The following BMPR2 variants were observed in gnomAD, a reference collection of about 807,000 sequenced individuals.
BMPR2 encodes bone morphogenetic protein receptor type-2.
BMPR2 carries 29 observed loss-of-function variants against 100.8 expected under a neutral mutation model. The ratio of observed to expected loss-of-function variants is 0.29; its 90% confidence interval spans 0.21 to 0.39. The LOEUF (loss-of-function observed/expected upper bound fraction) is 0.39. Among genes scored for constraint, BMPR2 ranks in the 10% least tolerant of loss-of-function variants. The pLI is 1.00. For missense variants in BMPR2, 1,011 were observed against 1,274.5 expected, an observed-to-expected ratio of 0.79 and a Z score of 3.15; for synonymous variants, 382 against 442.3, an observed-to-expected ratio of 0.86 and a Z score of 1.71.
In BMPR2 at chr2:202,485,458, CGGTTT is replaced by C. The variant is rs1692753720; in HGVS notation, c.418+17771_418+17775del. ...GTTTCAGTAAATCATTGGTGTTCCT[CGGTTT>C]GTAGCTGCGTAATTCTAATCTCTGC... On this transcript the variant is annotated intron_variant, in intron 3 of 12. Coordinates refer to ENST00000374580, the MANE Select transcript of BMPR2 (RefSeq NM_001204.7). Among the ~76,000 whole-genome samples, 4 of 150,796 alleles carry C rather than the reference CGGTTT, an allele frequency of 2.7e-5. 1 individual carries two copies. Among genetic ancestry groups the C allele is most frequent in the Admixed American group, 2.6e-4 (4 of 15,110 alleles).
At chr2:202,546,468 G>A (rs1054613552) in intron 10 of BMPR2, among the ~76,000 whole-genome samples, 5 of 152,240 alleles carry the variant, frequency 3.3e-5, no homozygotes, top group African/African-American at 1.2e-4. Flanking sequence ...TAGTCTAAAG[G>A]AAATACATGA....
chr2:202,547,921 T>C (rs1454743661), intron 10 of BMPR2, among the ~76,000 whole-genome samples: 1 of 151,506 alleles, frequency 6.6e-6, no homozygotes, highest in Non-Finnish European at 1.5e-5. Flanking sequence ...CTGTCTCTAC[T>C]AAAAATACAA....
intron 5 of BMPR2, among the ~76,000 whole-genome samples, chr2:202,516,994 G>A (rs903654452): frequency 1.3e-5 from 2 of 152,078 alleles, no homozygotes; most frequent in African/African-American, 2.4e-5. Context: ...ACATTTTGCT[G>A]GTTCTTTGGG....
At chr2:202,409,909 T>A (rs1159212878) in intron 1 of BMPR2, among the ~76,000 whole-genome samples, 1 of 152,178 alleles carries the variant, frequency 6.6e-6, no homozygotes, top group African/African-American at 2.4e-5. Flanking sequence ...GGTTCCTAAC[T>A]CTCTCCACTG....
chr2:202,434,515 C>T lies in BMPR2; in HGVS notation c.77-30294C>T, dbSNP rs141167490. ...GTCCTTCTCCACCATGACAATGCTC[C>T]TGCTCATTCCTGTCATCAAACAAGG... On this transcript the variant is annotated intron_variant, in intron 1 of 12. Transcript: ENST00000374580. 2.2e-3 allele frequency among the ~76,000 whole-genome samples: 328 copies of T among 150,568 alleles called. 33 individuals are homozygous for T. The highest frequency in any genetic ancestry group is 7.5e-3 in the African/African-American group (299 of 39,952).
Position 202,552,804 on chromosome 2 carries a change from T to C in BMPR2, c.1502T>C (p.Met501Thr), listed in dbSNP as rs1278947987. 1.2e-6 allele frequency: 2 copies of C among 1,614,176 alleles called. No homozygotes were observed. Among genetic ancestry groups the C allele is most frequent in the Non-Finnish European group, 8.5e-7 (1 of 1,180,034 alleles). ...RLTAQCAEER[M>T]AELMMIWERN... Reference sequence around the variant, plus strand: ...ACTGCACAGTGTGCTGAGGAAAGGATGGCTGAACTTATGATGATTTGGGAA... The same window carrying C: ...ACTGCACAGTGTGCTGAGGAAAGGACGGCTGAACTTATGATGATTTGGGAA... The change falls in exon 11 of 13, where the codon ATG (methionine) becomes ACG (threonine). Residue 501 changes from methionine (M) to threonine (T), a missense_variant. By Grantham distance (81) the Met-to-Thr change is moderately conservative (BLOSUM62 -1). Transcript: ENST00000374580.
chr2:202,556,768 G>T (rs781713023), intron 12 of BMPR2, among the ~76,000 whole-genome samples: 2 of 151,918 alleles, frequency 1.3e-5, no homozygotes, highest in Admixed American at 6.6e-5. Flanking sequence ...CCAACATGGC[G>T]AAACCCCATC....
chr2:202,468,403 AG>A (rs1374141076), intron 3 of BMPR2, among the ~76,000 whole-genome samples: 1 of 152,158 alleles, frequency 6.6e-6, no homozygotes, highest in Admixed American at 6.5e-5. Context: ...GCTTGAGCCT[AG>A]GAAGTTGAAG....
At position 202,442,425 on chromosome 2, in the gene BMPR2, CCTTT is replaced by C. The variant is rs970322320; in HGVS notation, c.77-22379_77-22376del. Among the ~76,000 whole-genome samples, 73 of 150,336 alleles carry C rather than the reference CCTTT, an allele frequency of 4.9e-4. 5 individuals carry two copies. Among genetic ancestry groups the C allele is most frequent in the Middle Eastern group, 3.4e-3 (1 of 294 alleles). On this transcript the variant is annotated intron_variant, in intron 1 of 12. Transcript: ENST00000374580. ...CATGTTTTAGCGTATATCGGTACTT[CCTTT>C]CTTTTTTTTTAAACTATGGCAAATC... is the stretch of plus-strand genomic sequence containing the variant.
chr2:202,528,408 C>T (rs558732247), intron 7 of BMPR2, among the ~76,000 whole-genome samples: 3 of 152,128 alleles, frequency 2.0e-5, no homozygotes, highest in South Asian at 4.2e-4. Context: ...AGGATGGTCT[C>T]GATCTCCTGA....
At position 202,563,074 on chromosome 2, in the gene BMPR2, T is replaced by C. The variant is rs1260600785; in HGVS notation, c.*3128T>C. The C allele has an allele frequency of 6.6e-6, 1 of 152,138 alleles. No homozygotes were observed. Among genetic ancestry groups the C allele is most frequent in the Non-Finnish European group, 1.5e-5 (1 of 68,034 alleles). The allele number at this position is 152,138 out of a possible 1,614,324, so 9.4% of individuals were successfully genotyped here. A position where few individuals can be genotyped will look rare whatever the true frequency, so the allele number is the denominator to read the frequency against. On this transcript the variant is annotated 3_prime_UTR_variant, in exon 13 of 13. Transcript: ENST00000374580. ...CAGTCTATGTCTGCCTCTCTCCACA[T>C]CTCTTTCATCCATACCACACTGCCT...
chr2:202,541,954 T>C (rs1688283718), intron 9 of BMPR2, among the ~76,000 whole-genome samples: 1 of 151,744 alleles, frequency 6.6e-6, no homozygotes, highest in South Asian at 2.1e-4. Context: ...TCTACTAAAA[T>C]ATGAAAATTA....
Position 202,559,821 on chromosome 2 carries a change from T to C in BMPR2, c.2992T>C (p.Cys998Arg). 1 of 1,614,156 alleles carries C rather than the reference T, an allele frequency of 6.2e-7. No homozygotes were observed. The highest frequency in any genetic ancestry group is 8.5e-7 in the Non-Finnish European group (1 of 1,180,028). Residue 998 changes from cysteine to arginine, a missense_variant, in exon 13 of 13, where the codon TGT becomes CGT. Around this residue, in one of 6 missense-constraint regions of BMPR2, gnomAD observed 58 missense variants for 72.3 expected, o/e 0.80. Transcript: ENST00000374580. ...TWVISTESLD[C>R]EVNNNGSNRA... ...GGTCATCTCCACTGAATCGCTGGAC[T>C]GTGAAGTCAACAATAATGGCAGTAA...
intron 3 of BMPR2, among the ~76,000 whole-genome samples, chr2:202,491,247 G>C (rs1692894546): frequency 6.6e-6 from 1 of 151,918 alleles, no homozygotes; most frequent in Non-Finnish European, 1.5e-5. Context: ...TGTAGAGATG[G>C]GGTCTTGGCA....
chr2:202,406,675 C>T lies in BMPR2; in HGVS notation c.76+29125C>T, dbSNP rs779384185. ...AATTGAGCATCAATGAATAAATAAA[C>T]CTCTGCCAGAGATTGGCAGGCTTTT... On this transcript the variant is annotated intron_variant, in intron 1 of 12. Transcript: ENST00000374580. 5.9e-5 allele frequency among the ~76,000 whole-genome samples: 9 copies of T among 152,176 alleles called. 1 individual carries two copies. The highest frequency in any genetic ancestry group is 1.2e-4 in the Non-Finnish European group (8 of 68,050).
intron 1 of BMPR2, among the ~76,000 whole-genome samples, chr2:202,438,385 A>T (rs1449805089): frequency 1.3e-5 from 2 of 150,544 alleles, no homozygotes; most frequent in Non-Finnish European, 2.9e-5. Flanking sequence ...TAGTTATATG[A>T]CTTGTAAATT....
intron 1 of BMPR2, among the ~76,000 whole-genome samples, chr2:202,407,955 T>TC (rs1232530759): frequency 5.3e-5 from 8 of 151,196 alleles, no homozygotes; most frequent in Non-Finnish European, 1.0e-4. Flanking sequence ...TGCCTCAGCC[T>TC]CCCGAGTAGC....
At chr2:202,551,552 T>C (rs1367292572) in intron 10 of BMPR2, among the ~76,000 whole-genome samples, 1 of 151,942 alleles carries the variant, frequency 6.6e-6, no homozygotes, top group African/African-American at 2.4e-5. Flanking sequence ...AAAAACTAGC[T>C]TTCCCCCAAA....
intron 9 of BMPR2, among the ~76,000 whole-genome samples, chr2:202,536,383 G>A (rs1370038356): frequency 1.3e-5 from 2 of 151,876 alleles, no homozygotes; most frequent in Admixed American, 1.3e-4. Context: ...AAAAGTGCCT[G>A]GATTACAGGA....
Sources: allele counts gnomAD v4.1 joint callset (sites outside exome capture counted in the v4.1 genomes callset), GRCh38; gene constraint gnomAD v4.1.1; regional missense constraint gnomAD v4.1.1; transcripts MANE v1.5; gene names NCBI Gene and HGNC (gene_info 2026-07-23, HGNC 2026-07-21).